NDRG3: variants seen among roughly 807,000 people sequenced by gnomAD.
The protein encoded by NDRG3 is protein NDRG3.
A neutral mutation model predicts 57.2 loss-of-function variants in NDRG3; 23 were observed. The ratio of observed to expected loss-of-function variants is 0.40; its 90% CI spans 0.29 to 0.57. NDRG3 has a LOEUF of 0.57. Ranked by LOEUF, NDRG3 falls within the 20% of genes least tolerant of loss-of-function variation. The pLI is 0.42. For synonymous variants in NDRG3, 132 were observed against 162.6 expected, an observed-to-expected ratio of 0.81 and a Z score of 1.43; for missense variants, 384 against 457.3, an observed-to-expected ratio of 0.84 and a Z score of 1.46.
At chr20:36,677,056 C>T (rs954599886) in intron 8 of NDRG3, among the ~76,000 whole-genome samples, 3 of 152,228 alleles carry the variant, frequency 2.0e-5, no homozygotes, top group Non-Finnish European at 2.9e-5. Context: ...CAGCTGCAGC[C>T]GCTGCGCCTG....
chr20:36,718,585 T>C (rs1984407921), intron 2 of NDRG3, among the ~76,000 whole-genome samples: 1 of 152,142 alleles, frequency 6.6e-6, no homozygotes, highest in Admixed American at 6.5e-5. Flanking sequence ...AAGGGTTCAG[T>C]TTCTCATGAT....
intron 2 of NDRG3, among the ~76,000 whole-genome samples, chr20:36,719,987 A>G (rs1489593333): frequency 6.6e-6 from 1 of 151,166 alleles, no homozygotes; most frequent in Non-Finnish European, 1.5e-5. Context: ...CACGCCTGTA[A>G]TCCCAGCCAC....
chr20:36,663,261 A>G (rs1979354658), intron 12 of NDRG3, among the ~76,000 whole-genome samples: 1 of 152,130 alleles, frequency 6.6e-6, no homozygotes, highest in Non-Finnish European at 1.5e-5. Flanking sequence ...GTTCAGGGAG[A>G]TGCGAATGTT....
intron 10 of NDRG3, among the ~76,000 whole-genome samples, chr20:36,665,574 C>A (rs552881939): frequency 1.6e-4 from 25 of 152,114 alleles, no homozygotes; most frequent in South Asian, 8.3e-4. Flanking sequence ...AGCAACACCA[C>A]TGAAACTCTC....
At chr20:36,734,395 G>C (rs1178264346) in intron 1 of NDRG3, among the ~76,000 whole-genome samples, 2 of 152,190 alleles carry the variant, frequency 1.3e-5, no homozygotes, top group Non-Finnish European at 2.9e-5. Flanking sequence ...TGAGAAGACT[G>C]CCTCACCACA....
rs867948742 is a variant in NDRG3, at chr20:36,660,560, A to T, written c.811-176T>A. Among the ~76,000 whole-genome samples, 1,079 of 149,880 alleles carry T rather than the reference A, an allele frequency of 7.2e-3. 10 individuals carry two copies. The highest frequency in any genetic ancestry group is 0.024 in the Middle Eastern group (7 of 292). On this transcript the variant is annotated intron_variant, in intron 12 of 15. Coordinates refer to ENST00000349004, the MANE Select transcript of NDRG3 (RefSeq NM_032013.4). ...GATATATTTATTTATTTATTTATTT[A>T]TTTATTTATTTTTTTTTTGAGACGG... is the stretch of plus-strand genomic sequence containing the variant.
chr20:36,660,328 G>T lies in NDRG3; in HGVS notation c.858+9C>A. On this transcript the variant is annotated intron_variant, in intron 13 of 15. Transcript: ENST00000349004. The stretch of plus-strand genomic sequence containing the variant: ...TAAGGGTTGGAAGTGAGGGAAGAAG[G>T]CACATTACCTTTAGCAAAGTTGTAT... 1 of 1,595,636 alleles carries T rather than the reference G, an allele frequency of 6.3e-7. No homozygotes were observed. Among genetic ancestry groups the T allele is most frequent in the Non-Finnish European group, 8.6e-7 (1 of 1,167,072 alleles).
intron 12 of NDRG3, among the ~76,000 whole-genome samples, chr20:36,662,314 G>A (rs140921303): frequency 1.3e-5 from 2 of 149,778 alleles, no homozygotes; most frequent in African/African-American, 2.5e-5. Flanking sequence ...TGAAACCTCC[G>A]CTTCCTGGGT....
intron 1 of NDRG3, among the ~76,000 whole-genome samples, chr20:36,728,968 G>A (rs868290952): frequency 2.0e-5 from 3 of 151,616 alleles, no homozygotes; most frequent in African/African-American, 7.3e-5. Flanking sequence ...GTGATCCGCC[G>A]ACCTCAGCCT....
chr20:36,663,557 C>G (rs1788627946), intron 12 of NDRG3, among the ~76,000 whole-genome samples: 1 of 152,054 alleles, frequency 6.6e-6, no homozygotes, highest in Non-Finnish European at 1.5e-5. Context: ...CTATTTTTAA[C>G]CAATCGAATT....
intron 3 of NDRG3, chr20:36,700,632 T>TATC: frequency 2.7e-6 from 1 of 366,090 alleles, no homozygotes; most frequent in Non-Finnish European, 5.4e-6. Flanking sequence ...TCTATCCAGT[T>TATC]ATCTCATCTC....
At chr20:36,695,770 G>A (rs1982730163) in intron 3 of NDRG3, among the ~76,000 whole-genome samples, 1 of 152,118 alleles carries the variant, frequency 6.6e-6, no homozygotes, top group Non-Finnish European at 1.5e-5. Flanking sequence ...CTGGCCTTGT[G>A]ACCTTGCCCT....
chr20:36,744,074 G>C (rs1986063837), intron 1 of NDRG3, among the ~76,000 whole-genome samples: 1 of 151,476 alleles, frequency 6.6e-6, no homozygotes, highest in Admixed American at 6.6e-5. Flanking sequence ...CTAATTTTCT[G>C]TTATTTTTTA....
intron 1 of NDRG3, among the ~76,000 whole-genome samples, chr20:36,731,694 C>T (rs188088326): frequency 6.6e-6 from 1 of 151,904 alleles, no homozygotes; most frequent in East Asian, 1.9e-4. Flanking sequence ...CCTGTAGTCC[C>T]AGCTACTCGG....
At chr20:36,708,105 G>A (rs1297296251) in intron 2 of NDRG3, among the ~76,000 whole-genome samples, 1 of 151,598 alleles carries the variant, frequency 6.6e-6, no homozygotes, top group Non-Finnish European at 1.5e-5. Context: ...AAAAAAAAAG[G>A]TAACAAGTGA....
chr20:36,744,973 G>GA (rs1346542147), intron 1 of NDRG3, among the ~76,000 whole-genome samples: 83 of 151,658 alleles, frequency 5.5e-4, no homozygotes, highest in Admixed American at 5.3e-3. Flanking sequence ...GGTAAGGGGG[G>GA]GGGGGGGCGC....
chr20:36,686,540 A>G (rs1981797084), intron 5 of NDRG3, among the ~76,000 whole-genome samples: 2 of 152,180 alleles, frequency 1.3e-5, no homozygotes, highest in Admixed American at 1.3e-4. Flanking sequence ...GAGTGAAAGG[A>G]TAGGGGAAGA....
chr20:36,733,916 T>C (rs1985474966), intron 1 of NDRG3, among the ~76,000 whole-genome samples: 1 of 152,160 alleles, frequency 6.6e-6, no homozygotes, highest in Non-Finnish European at 1.5e-5. Context: ...CTTTGAACAG[T>C]GGCTATATGA....
intron 1 of NDRG3, among the ~76,000 whole-genome samples, chr20:36,739,134 CAAAA>C (rs57208101): frequency 1.3e-3 from 116 of 87,248 alleles, no homozygotes; most frequent in African/African-American, 6.4e-3. Context: ...GACCCCATCT[CAAAA>C]AAAAAAAAAA....
Sources: allele counts gnomAD v4.1 joint callset (sites outside exome capture counted in the v4.1 genomes callset), GRCh38; gene constraint gnomAD v4.1.1; transcripts MANE v1.5; gene names NCBI Gene and HGNC (gene_info 2026-07-23, HGNC 2026-07-21).